Variants in SETX observed in about 807,000 individuals in gnomAD.
SETX encodes the protein helicase senataxin.
In SETX, 90 loss-of-function variants were observed where a neutral mutation model predicts 227.2. That is an observed-to-expected ratio of 0.40 (90% confidence interval 0.33 to 0.47). The LOEUF is 0.47. SETX is among the 20% of genes least tolerant of loss of function. The pLI is 0.91. For synonymous variants in SETX, 1,210 were observed against 1,113.2 expected, an observed-to-expected ratio of 1.09 and a Z score of -1.73; for missense variants, 3,052 against 3,181.5, an observed-to-expected ratio of 0.96 and a Z score of 0.98.
At chr9:132,316,498 A>G (rs1845976189) in intron 10 of SETX, among the ~76,000 whole-genome samples, 1 of 152,198 alleles carries the variant, frequency 6.6e-6, no homozygotes, top group Non-Finnish European at 1.5e-5. Flanking sequence ...AATGCTTTTT[A>G]TGTTTTTATG....
chr9:132,281,536 G>A lies in SETX; in HGVS notation c.6585C>T (p.Leu2195=). 1 of 1,614,048 alleles carries A rather than the reference G, an allele frequency of 6.2e-7. No individual in the cohort carries two copies. The highest frequency in any genetic ancestry group is 8.5e-7 in the Non-Finnish European group (1 of 1,179,944). ...QSCEIETLTP[L]IHRCNKLILV... ...GGATGAGCTTATTGCAGCGATGGAT[G>A]AGTGGAGTAAGAGTCTCAATTTCAC... The change falls in exon 20 of 26, where the codon CTC becomes CTT. Residue 2195 remains leucine, a synonymous_variant. Transcript: ENST00000224140.
At chr9:132,323,728 C>A (rs1313372915) in intron 10 of SETX, among the ~76,000 whole-genome samples, 1 of 152,106 alleles carries the variant, frequency 6.6e-6, no homozygotes, top group African/African-American at 2.4e-5. Flanking sequence ...ATGGGAAAAA[C>A]TCTGCCTCTA....
intron 24 of SETX, among the ~76,000 whole-genome samples, chr9:132,271,435 C>T (rs1345823160): frequency 8.5e-5 from 13 of 152,144 alleles, no homozygotes; most frequent in Admixed American, 8.5e-4. Flanking sequence ...CGTGGTAGCA[C>T]ATGCCTGTAG....
Position 132,264,803 on chromosome 9 carries a change from C to A in SETX, c.7470G>T (p.Leu2490Phe). 6.2e-7 allele frequency: 1 copy of A among 1,614,162 alleles called. No individual in the cohort carries two copies. The highest frequency in any genetic ancestry group is 2.2e-5 in the East Asian group (1 of 44,888). ...ATCCACTGTCTAGCTTGCTGCTGGGCAAACCACCCTGGGGTCTGGACCCCT... is the reference window on the plus strand; with the variant it reads ...ATCCACTGTCTAGCTTGCTGCTGGGAAAACCACCCTGGGGTCTGGACCCCT... ...APEGSRPQGG[L>F]PSSKLDSGFA... Residue 2490 changes from leucine to phenylalanine, a missense_variant, in exon 26 of 26, where the codon TTG becomes TTT. Physicochemically the swap from Leu to Phe is conservative, Grantham distance 22 (BLOSUM62 0). Coordinates refer to ENST00000224140, the MANE Select transcript of SETX (RefSeq NM_015046.7).
At chr9:132,314,906 GTT>G (rs559979271) in intron 10 of SETX, among the ~76,000 whole-genome samples, 338 of 88,466 alleles carry the variant, frequency 3.8e-3, no homozygotes, top group African/African-American at 0.011. Context: ...ATTTTATTGT[GTT>G]TTTTTTTTTT....
chr9:132,298,176 CAG>C lies in SETX; in HGVS notation c.5683_5684del (p.Leu1895ValfsTer3), dbSNP rs746931321. Reference protein sequence around the residue: ...TTQRKLKAMSLLGSRNQLARA... With the variant: ...TTQRKLKAMSXLGSRNQLARA... Reference sequence around the variant, plus strand: ...TAGCCAGTTGGTTCCGACTACCCAACAGAGACATGGCTTTCAACTTCCTTTGT... The same window carrying C: ...TAGCCAGTTGGTTCCGACTACCCAACAGACATGGCTTTCAACTTCCTTTGT... On this transcript the variant is annotated frameshift_variant, in exon 13 of 26. Coordinates refer to ENST00000224140, the MANE Select transcript of SETX (RefSeq NM_015046.7). LOFTEE classifies it high-confidence loss of function. The C allele has an allele frequency of 6.2e-7, 1 of 1,614,122 alleles. No homozygotes were observed. The highest frequency in any genetic ancestry group is 2.2e-5 in the East Asian group (1 of 44,878).
chr9:132,337,716 C>T (rs1429018640), intron 5 of SETX, among the ~76,000 whole-genome samples: 1 of 152,138 alleles, frequency 6.6e-6, no homozygotes, highest in Non-Finnish European at 1.5e-5. Context: ...GATTACTGTA[C>T]AATCAATGTC....
intron 11 of SETX, among the ~76,000 whole-genome samples, chr9:132,303,674 G>C (rs1845160283): frequency 6.6e-6 from 1 of 151,978 alleles, no homozygotes; most frequent in Non-Finnish European, 1.5e-5. Context: ...AAAAATAAGA[G>C]GACAAACAAT....
intron 11 of SETX, among the ~76,000 whole-genome samples, chr9:132,308,135 C>A (rs1157632501): frequency 2.6e-5 from 4 of 152,126 alleles, no homozygotes; most frequent in African/African-American, 9.7e-5. Flanking sequence ...AAAGTATCAC[C>A]ATTTTGCTCC....
At chr9:132,292,415 CAA>C (rs60253119) in intron 15 of SETX, among the ~76,000 whole-genome samples, 1 of 61,070 alleles carries the variant, frequency 1.6e-5, no homozygotes, top group African/African-American at 4.6e-5. Context: ...AGCTGGGGTA[CAA>C]AAAAAAAAAA....
intron 11 of SETX, among the ~76,000 whole-genome samples, chr9:132,302,914 T>TC (rs1564510593): frequency 1.3e-5 from 2 of 152,180 alleles, no homozygotes; most frequent in African/African-American, 4.8e-5. Context: ...CAACTGATAT[T>TC]CCGACAAATA....
chr9:132,350,710 A>G (rs911564574), intron 2 of SETX, among the ~76,000 whole-genome samples: 1 of 152,188 alleles, frequency 6.6e-6, no homozygotes, highest in Non-Finnish European at 1.5e-5. Context: ...TACTTTCTTC[A>G]TGGTTCTAAA....
chr9:132,280,283 G>C (rs999510814), intron 20 of SETX, among the ~76,000 whole-genome samples: 2 of 122,540 alleles, frequency 1.6e-5, no homozygotes, highest in Non-Finnish European at 3.2e-5. Flanking sequence ...AGCACAAATG[G>C]ATTTTTTTTT....
chr9:132,328,469 C>A lies in SETX; in HGVS notation c.3129G>T (p.Arg1043Ser). ...TTGAAACGTGCTGCTCTGGATGTTC[C>A]CTCTCAAGGCATATTTTGTCCTGTT... Reference protein sequence around the residue: ...LTKQDKICLEREHPEQHVSTV... With the variant: ...LTKQDKICLESEHPEQHVSTV... Residue 1043 changes from arginine (R) to serine (S), a missense_variant, in exon 10 of 26, where the codon AGG (arginine) becomes AGT (serine). Arg to Ser is a moderately radical substitution (Grantham distance 110). Transcript: ENST00000224140. 6.2e-7 allele frequency: 1 copy of A among 1,613,582 alleles called. No individual in the cohort carries two copies. The highest frequency in any genetic ancestry group is 8.5e-7 in the Non-Finnish European group (1 of 1,179,928).
At chr9:132,335,156 C>T (rs534561670) in intron 6 of SETX, among the ~76,000 whole-genome samples, 69 of 151,758 alleles carry the variant, frequency 4.5e-4, no homozygotes, top group African/African-American at 6.3e-4. Flanking sequence ...TTTGGGAGGC[C>T]AAGGCGGGCA....
rs778406422 is a variant in SETX, at chr9:132,329,182, C to T, written c.2416G>A (p.Asp806Asn). 30 of 1,613,044 alleles carry T rather than the reference C, an allele frequency of 1.9e-5. No homozygotes were observed. Among genetic ancestry groups the T allele is most frequent in the East Asian group, 1.1e-4 (5 of 44,840 alleles). The change falls in exon 10 of 26, where the codon GAT becomes AAT. Residue 806 changes from aspartate (D) to asparagine (N), a missense_variant. Around this residue, in one of 10 missense-constraint regions of SETX, gnomAD observed 1,483 missense variants for 1,312.0 expected, o/e 1.13. Transcript: ENST00000224140. ...KKQHRKSTLV[D>N]NTINLDENLT... is the part of the protein sequence containing the mutation. Reference sequence around the variant, plus strand: ...TTTTCATCTAAATTGATAGTATTATCGACCAAAGTACTCTTCCTGTGTTGC... The same window carrying T: ...TTTTCATCTAAATTGATAGTATTATTGACCAAAGTACTCTTCCTGTGTTGC...
rs569573 is a variant in SETX at position 132,318,946 on chromosome 9, T to C, written c.5275-7090A>G. On this transcript the variant is annotated intron_variant, in intron 10 of 25. Transcript: ENST00000224140. Reference sequence around the variant, plus strand: ...CCATCCCAAGAACCCAATCACATCCTAGGCTGCCGCACAGTTTCTCACAAT... The same window carrying C: ...CCATCCCAAGAACCCAATCACATCCCAGGCTGCCGCACAGTTTCTCACAAT... Among the ~76,000 whole-genome samples the C allele has an allele frequency of 9.1e-3, 1,393 of 152,318 alleles. 32 individuals carry two copies. The highest frequency in any genetic ancestry group is 0.032 in the African/African-American group (1,314 of 41,564).
chr9:132,339,352 G>C (rs941644992), intron 5 of SETX, among the ~76,000 whole-genome samples: 1 of 152,070 alleles, frequency 6.6e-6, no homozygotes, highest in Non-Finnish European at 1.5e-5. Context: ...ACCGAGGAAG[G>C]AGATTTTGGT....
chr9:132,298,026 T>C (rs1844770342), intron 13 of SETX, 54 bp downstream of exon 13: 12 of 1,447,438 alleles, frequency 8.3e-6, no homozygotes, highest in Non-Finnish European at 1.1e-5. Flanking sequence ...CTAAAAAATA[T>C]GATGCTTTAA....
Sources: allele counts gnomAD v4.1 joint callset (sites outside exome capture counted in the v4.1 genomes callset), GRCh38; gene constraint gnomAD v4.1.1; regional missense constraint gnomAD v4.1.1; transcripts MANE v1.5; gene names NCBI Gene and HGNC (gene_info 2026-07-23, HGNC 2026-07-21).